Variants in ST8SIA1 observed in about 807,000 individuals in gnomAD.
ST8SIA1 encodes the protein ST8 alpha-N-acetyl-neuraminide alpha-2,8-sialyltransferase 1, also known as alpha-N-acetylneuraminide alpha-2,8-sialyltransferase.
In ST8SIA1, 16 loss-of-function variants were observed where a neutral mutation model predicts 35.9. That is an observed-to-expected ratio of 0.45 (90% CI 0.30 to 0.68). ST8SIA1 has a LOEUF of 0.68. Ranked by LOEUF, ST8SIA1 falls within the 30% of genes least tolerant of loss-of-function variation. The pLI is 0.09. For synonymous variants in ST8SIA1, 170 were observed against 169.6 expected, an observed-to-expected ratio of 1.00 and a Z score of -0.02; for missense variants, 383 against 453.6, an observed-to-expected ratio of 0.84 and a Z score of 1.41.
At chr12:22,271,145 C>A (rs1382687520) in intron 2 of ST8SIA1, among the ~76,000 whole-genome samples, 2 of 152,088 alleles carry the variant, frequency 1.3e-5, no homozygotes, top group Non-Finnish European at 2.9e-5. Context: ...CTTTGATGAA[C>A]CTTTTGGCTC....
chr12:22,317,492 G>A (rs73089209), intron 1 of ST8SIA1, among the ~76,000 whole-genome samples: 2,959 of 152,290 alleles, frequency 0.019, 48 homozygotes, highest in Middle Eastern at 0.041. Flanking sequence ...GAAGCTAAAG[G>A]ATACGCTTCC....
At chr12:22,262,197 C>T (rs1865800753) in intron 2 of ST8SIA1, among the ~76,000 whole-genome samples, 2 of 152,178 alleles carry the variant, frequency 1.3e-5, no homozygotes. Context: ...GTGCCAGCTG[C>T]AAACATATTC....
At chr12:22,268,354 C>T (rs66868592) in intron 2 of ST8SIA1, among the ~76,000 whole-genome samples, 17,113 of 152,138 alleles carry the variant, frequency 0.11, 1,181 homozygotes, top group Middle Eastern at 0.24. Flanking sequence ...ACAATTCAAG[C>T]GGGTAACATA....
Position 22,201,524 on chromosome 12 carries a change from G to A in ST8SIA1, c.*28C>T. ...ATAGAAAACCTAACAAAAATACCCT[G>A]GTTCAGTCCTTTCTTCTTCCATTGT... On this transcript the variant is annotated 3_prime_UTR_variant, in exon 5 of 5. Coordinates refer to ENST00000396037, the MANE Select transcript of ST8SIA1 (RefSeq NM_003034.4). 1 of 1,564,556 alleles carries A rather than the reference G, an allele frequency of 6.4e-7. No individual in the cohort carries two copies. The highest frequency in any genetic ancestry group is 8.6e-7 in the Non-Finnish European group (1 of 1,158,734).
Position 22,326,559 on chromosome 12 carries a change from A to G in ST8SIA1, c.236+7438T>C, listed in dbSNP as rs1309563496. Among the ~76,000 whole-genome samples, 2 of 152,226 alleles carry G rather than the reference A, an allele frequency of 1.3e-5. 1 individual carries two copies. Among genetic ancestry groups the G allele is most frequent in the East Asian group, 3.8e-4 (2 of 5,196 alleles). On this transcript the variant is annotated intron_variant, in intron 1 of 4. Transcript: ENST00000396037. ...GACCAAGTAAATTTTTCAATGTCAC[A>G]AAGTTGATAAATGACAGAACCAGGA...
At chr12:22,208,133 C>CAT (rs1409093008) in intron 4 of ST8SIA1, among the ~76,000 whole-genome samples, 1 of 67,254 alleles carries the variant, frequency 1.5e-5, no homozygotes, top group Non-Finnish European at 3.1e-5. Flanking sequence ...GTGTCTGTCT[C>CAT]ACAAAAAAAA....
chr12:22,252,058 T>C (rs1176390824), intron 3 of ST8SIA1, among the ~76,000 whole-genome samples: 3 of 152,228 alleles, frequency 2.0e-5, no homozygotes, highest in Non-Finnish European at 4.4e-5. Context: ...AATGATATTA[T>C]TTTTTAAAGT....
chr12:22,262,487 G>A (rs1865804337), intron 2 of ST8SIA1, among the ~76,000 whole-genome samples: 3 of 152,140 alleles, frequency 2.0e-5, no homozygotes, highest in East Asian at 1.9e-4. Context: ...CTGGCACAAG[G>A]AGACTTTACA....
At chr12:22,219,012 C>T (rs1208778602) in intron 4 of ST8SIA1, among the ~76,000 whole-genome samples, 2 of 151,922 alleles carry the variant, frequency 1.3e-5, no homozygotes, top group Non-Finnish European at 2.9e-5. Flanking sequence ...TGGAATCCCA[C>T]CAAAATATTA....
intron 1 of ST8SIA1, among the ~76,000 whole-genome samples, chr12:22,295,204 C>T (rs958332978): frequency 1.7e-4 from 26 of 152,142 alleles, no homozygotes; most frequent in Middle Eastern, 6.8e-3. Context: ...CAGTCCTCAC[C>T]GGGTGATATT....
intron 2 of ST8SIA1, among the ~76,000 whole-genome samples, chr12:22,281,215 C>A (rs1376846986): frequency 6.6e-6 from 1 of 151,976 alleles, no homozygotes; most frequent in Non-Finnish European, 1.5e-5. Context: ...ACTTTTAAAC[C>A]CATTATCTCA....
At chr12:22,244,061 T>A (rs559155483) in intron 4 of ST8SIA1, among the ~76,000 whole-genome samples, 1 of 152,088 alleles carries the variant, frequency 6.6e-6, no homozygotes, top group South Asian at 2.1e-4. Flanking sequence ...TCAATCCTTA[T>A]GTTCAAGACA....
At chr12:22,331,096 A>G (rs766529843) in intron 1 of ST8SIA1, among the ~76,000 whole-genome samples, 1 of 152,222 alleles carries the variant, frequency 6.6e-6, no homozygotes, top group Non-Finnish European at 1.5e-5. Flanking sequence ...TTCAGTACAT[A>G]TCAAGTACTG....
intron 2 of ST8SIA1, among the ~76,000 whole-genome samples, chr12:22,285,883 A>AAACAAAAAAAAC (rs1249393878): frequency 2.0e-5 from 3 of 150,894 alleles, no homozygotes; most frequent in East Asian, 1.9e-4. Flanking sequence ...AAAACAAAAA[A>AAACAAAAAAAAC]AAAAAAAAAA....
intron 1 of ST8SIA1, among the ~76,000 whole-genome samples, chr12:22,289,008 A>T (rs1406735817): frequency 6.6e-6 from 1 of 152,098 alleles, no homozygotes; most frequent in Non-Finnish European, 1.5e-5. Context: ...AGCCTCTCAA[A>T]TGGTTGGGAT....
chr12:22,295,881 C>T (rs1271605417), intron 1 of ST8SIA1, among the ~76,000 whole-genome samples: 1 of 152,202 alleles, frequency 6.6e-6, no homozygotes, highest in African/African-American at 2.4e-5. Context: ...TTGGCTATGA[C>T]TCCCCATCAA....
Position 22,205,153 on chromosome 12 carries a change from T to C in ST8SIA1, c.585-3115A>G, listed in dbSNP as rs188911304. 4.8e-4 allele frequency among the ~76,000 whole-genome samples: 73 copies of C among 152,344 alleles called. 1 individual carries two copies. The highest frequency in any genetic ancestry group is 3.4e-3 in the Middle Eastern group (1 of 294). ...CCAACTTAAGCTTTCAAAAGTCTTC[T>C]TTGAATTCCTGAATAATAATTGCTC... On this transcript the variant is annotated intron_variant, in intron 4 of 4. Transcript: ENST00000396037.
intron 2 of ST8SIA1, among the ~76,000 whole-genome samples, chr12:22,273,597 T>C (rs1362227563): frequency 6.6e-6 from 1 of 152,132 alleles, no homozygotes; most frequent in Non-Finnish European, 1.5e-5. Context: ...AAATCCCTCA[T>C]CATTATGTTG....
intron 4 of ST8SIA1, among the ~76,000 whole-genome samples, chr12:22,231,898 G>C (rs998712296): frequency 6.6e-6 from 1 of 152,168 alleles, no homozygotes; most frequent in Non-Finnish European, 1.5e-5. Context: ...TAAAAGACAA[G>C]AATAAGAATC....
Sources: allele counts gnomAD v4.1 joint callset (sites outside exome capture counted in the v4.1 genomes callset), GRCh38; gene constraint gnomAD v4.1.1; transcripts MANE v1.5; gene names NCBI Gene and HGNC (gene_info 2026-07-23, HGNC 2026-07-21).